The following C1QTNF3 variants were observed in gnomAD, a reference collection of about 807,000 sequenced individuals.
C1QTNF3 encodes the protein C1q and TNF related 3, also known as complement C1q tumor necrosis factor-related protein 3.
A neutral mutation model predicts 32.6 loss-of-function variants in C1QTNF3; 26 were observed. The observed-to-expected ratio is 0.80, with a 90% CI of 0.58 to 1.11. C1QTNF3 has a LOEUF of 1.11. Among genes scored for constraint, C1QTNF3 ranks in the 50% least tolerant of loss-of-function variants. The pLI is 0.00. For missense variants in C1QTNF3, 362 were observed against 398.2 expected, an observed-to-expected ratio of 0.91 and a Z score of 0.77; for synonymous variants, 155 against 146.0, an observed-to-expected ratio of 1.06 and a Z score of -0.44.
the C1QTNF3 span, among the ~76,000 whole-genome samples, chr5:34,076,860 C>A: frequency 6.6e-6 from 1 of 151,430 alleles, no homozygotes; most frequent in African/African-American, 2.5e-5. Flanking sequence ...AACTACTTAG[C>A]ACTCTCAGGT....
chr5:34,226,857 G>A, the C1QTNF3 span, among the ~76,000 whole-genome samples: 1 of 151,120 alleles, frequency 6.6e-6, no homozygotes, highest in African/African-American at 2.4e-5. Context: ...TACGTTTACA[G>A]TACTACAGTA....
the C1QTNF3 span, among the ~76,000 whole-genome samples, chr5:34,072,942 T>C: frequency 6.6e-6 from 1 of 152,242 alleles, no homozygotes; most frequent in African/African-American, 2.4e-5. Context: ...TACATTTTTT[T>C]CTGTAATCTA....
At chr5:34,165,709 T>C in the C1QTNF3 span, 1 of 152,136 alleles carries the variant, frequency 6.6e-6, no homozygotes, top group African/African-American at 2.4e-5. Context: ...TATAACAACT[T>C]CTACTGAGTA....
At chr5:34,113,329 C>T in the C1QTNF3 span, among the ~76,000 whole-genome samples, 1 of 150,642 alleles carries the variant, frequency 6.6e-6, no homozygotes, top group Admixed American at 6.6e-5. Flanking sequence ...ATGTGGTCAC[C>T]AGGCAGATTC....
chr5:34,122,664 T>C, the C1QTNF3 span, among the ~76,000 whole-genome samples: 1 of 152,150 alleles, frequency 6.6e-6, no homozygotes. Context: ...CTATCTACAT[T>C]GGAAAGCATG....
chr5:34,164,303 T>G, the C1QTNF3 span, among the ~76,000 whole-genome samples: 6 of 152,108 alleles, frequency 3.9e-5, no homozygotes, highest in African/African-American at 1.4e-4. Flanking sequence ...ACGAGATATT[T>G]TGCACTCGAA....
At chr5:34,158,338 C>G in the C1QTNF3 span, 1 of 152,078 alleles carries the variant, frequency 6.6e-6, no homozygotes, top group East Asian at 1.9e-4. Flanking sequence ...AGCTCCTGAC[C>G]TCAAGTGATC....
chr5:34,224,119 GAAC>G, the C1QTNF3 span, among the ~76,000 whole-genome samples: 1 of 152,254 alleles, frequency 6.6e-6, no homozygotes, highest in East Asian at 1.9e-4. Flanking sequence ...TCTTCAAGAA[GAAC>G]AACAAACCAC....
chr5:34,188,777 A>G, the C1QTNF3 span, among the ~76,000 whole-genome samples: 107 of 150,268 alleles, frequency 7.1e-4, no homozygotes, highest in South Asian at 1.3e-3. Flanking sequence ...TAATGCTGAA[A>G]TAAGAGTTTG....
chr5:34,147,345 T>C, the C1QTNF3 span, among the ~76,000 whole-genome samples: 3 of 152,148 alleles, frequency 2.0e-5, no homozygotes, highest in Non-Finnish European at 4.4e-5. Context: ...TTCTACCAAA[T>C]GGACACATGT....
chr5:34,080,695 C>T, the C1QTNF3 span, among the ~76,000 whole-genome samples: 1 of 151,670 alleles, frequency 6.6e-6, no homozygotes. Context: ...TTCCTTCTTT[C>T]ACTTTAGAAT....
chr5:34,130,391 A>G, the C1QTNF3 span, among the ~76,000 whole-genome samples: 4 of 151,630 alleles, frequency 2.6e-5, no homozygotes, highest in East Asian at 3.9e-4. Context: ...AACTACACCC[A>G]TAAGAAGAAT....
chr5:34,238,689 G>A, the C1QTNF3 span, among the ~76,000 whole-genome samples: 2 of 151,918 alleles, frequency 1.3e-5, no homozygotes, highest in Non-Finnish European at 2.9e-5. Flanking sequence ...GAGAAAGAAA[G>A]AGAAAAGGCA....
chr5:34,237,757 C>T, the C1QTNF3 span, among the ~76,000 whole-genome samples: 2 of 152,046 alleles, frequency 1.3e-5, no homozygotes, highest in South Asian at 2.1e-4. Context: ...AGCTAGTTCC[C>T]CAGAATGGCT....
At chr5:34,240,874 G>A in the C1QTNF3 span, among the ~76,000 whole-genome samples, 1 of 152,110 alleles carries the variant, frequency 6.6e-6, no homozygotes, top group Non-Finnish European at 1.5e-5. Context: ...TCTCAACAAA[G>A]TACTAGCAAA....
the C1QTNF3 span, among the ~76,000 whole-genome samples, chr5:34,141,807 C>T: frequency 6.6e-6 from 1 of 152,038 alleles, no homozygotes; most frequent in Admixed American, 6.6e-5. Flanking sequence ...TGTCTGGGTG[C>T]TTTCTTGCAT....
chr5:34,124,111 T>C, the C1QTNF3 span: 1 of 225,434 alleles, frequency 4.4e-6, no homozygotes, highest in South Asian at 1.2e-4. Context: ...GCTCCCTTAT[T>C]ATAAAATATT....
chr5:34,083,509 T>TA, the C1QTNF3 span, among the ~76,000 whole-genome samples: 212 of 145,582 alleles, frequency 1.5e-3, 5 homozygotes, highest in African/African-American at 4.1e-3. Context: ...AATGAATTTG[T>TA]AAAAAAAAAA....
the C1QTNF3 span, among the ~76,000 whole-genome samples, chr5:34,139,878 G>C: frequency 6.6e-6 from 1 of 152,188 alleles, no homozygotes; most frequent in Admixed American, 6.5e-5. Context: ...TTTCTGGTCA[G>C]AAAATGAGCA....
Sources: gnomAD v4.1 joint callset for allele counts (sites outside exome capture counted in the v4.1 genomes callset) on GRCh38, gnomAD v4.1.1 for gene constraint, MANE v1.5 for transcripts, NCBI Gene and HGNC (gene_info 2026-07-23, HGNC 2026-07-21) for gene names.